The following HDAC9 variants were observed in gnomAD, a reference collection of about 807,000 sequenced individuals.
HDAC9 encodes histone deacetylase 9.
HDAC9 carries 41 observed loss-of-function variants against 139.4 expected under a neutral mutation model. The observed-to-expected ratio is 0.29, with a 90% confidence interval of 0.23 to 0.38. HDAC9 has a LOEUF of 0.38. Among genes scored for constraint, HDAC9 ranks in the 10% least tolerant of loss-of-function variants. The pLI is 1.00. For missense variants in HDAC9, 1,147 were observed against 1,297.0 expected, an observed-to-expected ratio of 0.88 and a Z score of 1.78; for synonymous variants, 517 against 476.2, an observed-to-expected ratio of 1.09 and a Z score of -1.12.
At chr7:18,778,684 A>G (rs1790985531) in intron 16 of HDAC9, among the ~76,000 whole-genome samples, 1 of 151,988 alleles carries the variant, frequency 6.6e-6, no homozygotes, top group South Asian at 2.1e-4. Context: ...TGGCCACATA[A>G]CCCACAGGAA....
chr7:18,178,974 C>G (rs756715746), intron 2 of HDAC9, among the ~76,000 whole-genome samples: 11 of 152,076 alleles, frequency 7.2e-5, no homozygotes, highest in Non-Finnish European at 8.8e-5. Flanking sequence ...CTGTGTGTCT[C>G]CATTAAAGAT....
chr7:18,203,705 A>T (rs1482410180), intron 2 of HDAC9, among the ~76,000 whole-genome samples: 1 of 152,152 alleles, frequency 6.6e-6, no homozygotes, highest in Non-Finnish European at 1.5e-5. Flanking sequence ...TTGAATGCCT[A>T]AAAAAATGTG....
chr7:18,717,680 C>G (rs541117777), intron 12 of HDAC9, among the ~76,000 whole-genome samples: 2 of 152,186 alleles, frequency 1.3e-5, no homozygotes, highest in African/African-American at 4.8e-5. Flanking sequence ...ATCCACCCGC[C>G]TCGGCCTCCC....
At chr7:18,809,599 A>G (rs1794013015) in intron 17 of HDAC9, among the ~76,000 whole-genome samples, 2 of 152,174 alleles carry the variant, frequency 1.3e-5, no homozygotes, top group African/African-American at 4.8e-5. Flanking sequence ...GAAGGCATAT[A>G]TCTGGCCAAC....
At chr7:18,526,215 A>G (rs1356305707) in intron 2 of HDAC9, among the ~76,000 whole-genome samples, 2 of 152,178 alleles carry the variant, frequency 1.3e-5, no homozygotes, top group Non-Finnish European at 2.9e-5. Flanking sequence ...AATATTTATA[A>G]GTTGTTACTA....
chr7:18,130,111 C>T (rs560176088), intron 1 of HDAC9, among the ~76,000 whole-genome samples: 149 of 152,214 alleles, frequency 9.8e-4, no homozygotes, highest in African/African-American at 3.5e-3. Context: ...AACCAAAATC[C>T]TTTGAATATT....
intron 12 of HDAC9, among the ~76,000 whole-genome samples, chr7:18,724,394 A>T (rs939617367): frequency 2.0e-5 from 3 of 152,132 alleles, no homozygotes; most frequent in Admixed American, 6.6e-5. Flanking sequence ...TGTGTATATA[A>T]ACATAGAAAA....
chr7:18,536,228 C>T (rs765012801), intron 2 of HDAC9, among the ~76,000 whole-genome samples: 1 of 152,128 alleles, frequency 6.6e-6, no homozygotes, highest in African/African-American at 2.4e-5. Context: ...GCACTGGTGA[C>T]CAGAGGTCCC....
chr7:18,407,240 C>G (rs1243051299), intron 1 of HDAC9, among the ~76,000 whole-genome samples: 1 of 152,146 alleles, frequency 6.6e-6, no homozygotes, highest in Non-Finnish European at 1.5e-5. Context: ...GTTCTTTGCT[C>G]TATATCTAGA....
chr7:18,551,021 C>T (rs1382096744), intron 2 of HDAC9, among the ~76,000 whole-genome samples: 1 of 152,134 alleles, frequency 6.6e-6, no homozygotes, highest in African/African-American at 2.4e-5. Flanking sequence ...ATATTATTAA[C>T]AACAACCACA....
At chr7:18,416,863 T>C (rs1192467833) in intron 1 of HDAC9, among the ~76,000 whole-genome samples, 3 of 152,210 alleles carry the variant, frequency 2.0e-5, no homozygotes, top group Non-Finnish European at 4.4e-5. Flanking sequence ...TTGTGTGTGA[T>C]TTTTCTTTTA....
intron 1 of HDAC9, among the ~76,000 whole-genome samples, chr7:18,369,643 T>G (rs955439124): frequency 2.6e-5 from 4 of 152,138 alleles, no homozygotes; most frequent in Non-Finnish European, 5.9e-5. Flanking sequence ...CTAAATGCTG[T>G]GGACTTTGCA....
chr7:18,326,610 G>A (rs1800466290), intron 1 of HDAC9, among the ~76,000 whole-genome samples: 1 of 151,914 alleles, frequency 6.6e-6, no homozygotes, highest in Non-Finnish European at 1.5e-5. Flanking sequence ...TGTTAACAGT[G>A]TACATGCTCC....
chr7:18,420,465 T>G (rs940299509), intron 1 of HDAC9, among the ~76,000 whole-genome samples: 12 of 152,232 alleles, frequency 7.9e-5, no homozygotes, highest in African/African-American at 2.4e-4. Context: ...GTTCCTGTTC[T>G]CTTTATGGTT....
intron 1 of HDAC9, among the ~76,000 whole-genome samples, chr7:18,359,780 T>A (rs1293717610): frequency 6.6e-6 from 1 of 152,162 alleles, no homozygotes; most frequent in East Asian, 1.9e-4. Context: ...AGCTAACTTT[T>A]GTATTTTTAG....
At chr7:18,748,948 T>C (rs1020913787) in intron 13 of HDAC9, 57 bp from the exon 14 acceptor site, 4 of 1,494,290 alleles carry the variant, frequency 2.7e-6, no homozygotes, top group Non-Finnish European at 3.7e-6. Flanking sequence ...TCTCCTAACA[T>C]GTGTCATTAT....
At chr7:18,972,938 A>AC (rs1362231261) in intron 24 of HDAC9, among the ~76,000 whole-genome samples, 3 of 152,228 alleles carry the variant, frequency 2.0e-5, no homozygotes, top group Non-Finnish European at 4.4e-5. Context: ...TTTAGTAAGT[A>AC]ATCTGCAATA....
intron 1 of HDAC9, among the ~76,000 whole-genome samples, chr7:18,362,940 A>G (rs1449103933): frequency 6.6e-6 from 1 of 152,150 alleles, no homozygotes; most frequent in Non-Finnish European, 1.5e-5. Flanking sequence ...TTATGGTAGA[A>G]CAAAAGAGAC....
chr7:18,472,121 C>T (rs1272254153), intron 1 of HDAC9, among the ~76,000 whole-genome samples: 1 of 152,012 alleles, frequency 6.6e-6, no homozygotes, highest in Non-Finnish European at 1.5e-5. Context: ...GCTTTAGCTG[C>T]CTTTAGCTGG....
Sources: gnomAD v4.1 joint callset for allele counts (sites outside exome capture counted in the v4.1 genomes callset) on GRCh38, gnomAD v4.1.1 for gene constraint, MANE v1.5 for transcripts, NCBI Gene and HGNC (gene_info 2026-07-23, HGNC 2026-07-21) for gene names.